ASPH: variants seen among roughly 807,000 people sequenced by gnomAD.
ASPH encodes the protein aspartyl/asparaginyl beta-hydroxylase.
ASPH carries 100 observed loss-of-function variants against 118.4 expected under a neutral mutation model. That is an observed-to-expected ratio of 0.84 (90% CI 0.72 to 1.00). The LOEUF is 1.00. Among genes scored for constraint, ASPH ranks in the 50% least tolerant of loss-of-function variants. The probability of loss-of-function intolerance (pLI) is 0.00; values close to 1 mark genes in which losing one functional copy is unlikely to be tolerated. For missense variants in ASPH, 920 were observed against 919.5 expected (o/e 1.00, Z -0.01); for synonymous variants, 315 against 325.6 (o/e 0.97, Z 0.35).
chr8:61,512,105 T>G (rs576770206), intron 24 of ASPH, among the ~76,000 whole-genome samples: 112 of 152,310 alleles, frequency 7.4e-4, no homozygotes, highest in Middle Eastern at 3.4e-3. Context: ...CAAGGCTATG[T>G]GATCATGTCT....
chr8:61,614,236 T>G (rs1193164885), intron 14 of ASPH, among the ~76,000 whole-genome samples: 1 of 152,196 alleles, frequency 6.6e-6, no homozygotes, highest in Non-Finnish European at 1.5e-5. Context: ...TAATAAGATA[T>G]TAAGTATAAG....
intron 16 of ASPH, among the ~76,000 whole-genome samples, chr8:61,574,175 G>A (rs906627726): frequency 3.6e-4 from 55 of 152,164 alleles, no homozygotes; most frequent in African/African-American, 1.3e-3. Context: ...TTAGAATGGC[G>A]ATCATTAAAA....
chr8:61,615,541 T>C (rs898918303), intron 14 of ASPH, among the ~76,000 whole-genome samples: 1 of 152,228 alleles, frequency 6.6e-6, no homozygotes, highest in African/African-American at 2.4e-5. Context: ...AAACAGAGCC[T>C]GGACATCATA....
At chr8:61,523,985 GGGA>G (rs1814248675) in intron 22 of ASPH, among the ~76,000 whole-genome samples, 3 of 152,158 alleles carry the variant, frequency 2.0e-5, no homozygotes, top group Non-Finnish European at 4.4e-5. Flanking sequence ...CTAGCTACTT[GGGA>G]GGAGAATTGC....
At chr8:61,665,562 G>T (rs770162274) in intron 3 of ASPH, 2 of 1,593,366 alleles carry the variant, frequency 1.3e-6, no homozygotes, top group Admixed American at 3.5e-5. Context: ...CTTGACTCAG[G>T]TTTCTCTTTC....
chr8:61,683,774 G>A, intron 2 of ASPH: 1 of 343,614 alleles, frequency 2.9e-6, no homozygotes, highest in Non-Finnish European at 5.3e-6. Context: ...GTGAGAATGA[G>A]TACTGTTTGA....
In ASPH at chr8:61,517,618, T is replaced by G; in HGVS notation, c.2036A>C (p.His679Pro). ...IMHPGTHVWP[H>P]TGPTNCRLRM... is the part of the protein sequence containing the mutation. ...GAGCCTGCAGTTTGTGGGCCCTGTG[T>G]GCGGCCACACGTGAGTCCCGGGGTG... The change falls in exon 24 of 25, where the codon CAC becomes CCC. Residue 679 changes from histidine (H) to proline (P), a missense_variant. By Grantham distance (77) the His-to-Pro change is moderately conservative. Transcript: ENST00000379454. The G allele has an allele frequency of 6.2e-7, 1 of 1,614,144 alleles. No individual in the cohort carries two copies. Among genetic ancestry groups the G allele is most frequent in the East Asian group, 2.2e-5 (1 of 44,866 alleles).
chr8:61,624,492 T>C, intron 13 of ASPH: 13 of 967,944 alleles, frequency 1.3e-5, no homozygotes, highest in Non-Finnish European at 1.6e-5. Flanking sequence ...TTTTATTATG[T>C]AACAAATTAA....
chr8:61,537,067 C>G (rs767719593), intron 21 of ASPH, among the ~76,000 whole-genome samples: 1 of 152,166 alleles, frequency 6.6e-6, no homozygotes, highest in Non-Finnish European at 1.5e-5. Flanking sequence ...GTTGCCAGGA[C>G]AAACAACCAG....
chr8:61,555,879 G>A (rs377430320), intron 19 of ASPH, 45 bp downstream of exon 19: 40 of 1,542,664 alleles, frequency 2.6e-5, no homozygotes, highest in African/African-American at 2.6e-4. Context: ...CCAATAACTC[G>A]AAGGACTTGA....
At chr8:61,678,047 C>G (rs1297743426) in intron 3 of ASPH, among the ~76,000 whole-genome samples, 1 of 152,098 alleles carries the variant, frequency 6.6e-6, no homozygotes, top group Non-Finnish European at 1.5e-5. Context: ...AAAGGGAATG[C>G]CTTTGGCTTG....
At chr8:61,528,787 T>C (rs970077109) in intron 21 of ASPH, among the ~76,000 whole-genome samples, 3 of 152,222 alleles carry the variant, frequency 2.0e-5, no homozygotes, top group African/African-American at 7.2e-5. Context: ...TGAATAGTAA[T>C]AATTTTTTAA....
intron 14 of ASPH, among the ~76,000 whole-genome samples, chr8:61,617,942 A>G (rs1849595818): frequency 6.6e-6 from 1 of 151,332 alleles, no homozygotes; most frequent in South Asian, 2.1e-4. Context: ...CAAAAAAAAA[A>G]AAAAAAAAGA....
At chr8:61,616,474 T>G (rs1377677958) in intron 14 of ASPH, among the ~76,000 whole-genome samples, 1 of 152,142 alleles carries the variant, frequency 6.6e-6, no homozygotes, top group Non-Finnish European at 1.5e-5. Context: ...AAGAATGCAT[T>G]ATAGTGAACC....
chr8:61,640,479 T>C (rs1394967711), intron 10 of ASPH, among the ~76,000 whole-genome samples: 1 of 152,182 alleles, frequency 6.6e-6, no homozygotes, highest in Non-Finnish European at 1.5e-5. Flanking sequence ...TCCAGTCACC[T>C]TTCTCCTTGC....
At chr8:61,578,096 G>A (rs778592799) in intron 15 of ASPH, 1 of 1,022,210 alleles carries the variant, frequency 9.8e-7, no homozygotes. Context: ...GATACAATGG[G>A]GGTACAGGTA....
chr8:61,696,222 C>T (rs182772176), intron 1 of ASPH, among the ~76,000 whole-genome samples: 5 of 152,164 alleles, frequency 3.3e-5, no homozygotes, highest in African/African-American at 1.2e-4. Context: ...TGTAGAAAGG[C>T]ACCATGGCTG....
chr8:61,669,836 T>G (rs1821524976), intron 3 of ASPH, among the ~76,000 whole-genome samples: 1 of 152,190 alleles, frequency 6.6e-6, no homozygotes, highest in African/African-American at 2.4e-5. Context: ...AAGAGCTATA[T>G]GGATGAAAAG....
chr8:61,544,383 A>G (rs892441514), intron 21 of ASPH, among the ~76,000 whole-genome samples: 9 of 152,252 alleles, frequency 5.9e-5, no homozygotes, highest in African/African-American at 2.2e-4. Flanking sequence ...GTTCTGCCTC[A>G]TTACACAATG....
Sources: allele counts gnomAD v4.1 joint callset (sites outside exome capture counted in the v4.1 genomes callset), GRCh38; gene constraint gnomAD v4.1.1; transcripts MANE v1.5; gene names NCBI Gene and HGNC (gene_info 2026-07-23, HGNC 2026-07-21).